PINX1: variants seen among roughly 807,000 people sequenced by gnomAD.
PINX1 encodes PIN2 (TERF1) interacting telomerase inhibitor 1, also known as PIN2/TERF1-interacting telomerase inhibitor 1.
A neutral mutation model predicts 25.4 loss-of-function variants in PINX1; 34 were observed. The observed-to-expected ratio is 1.34, with a 90% CI of 1.02 to 1.78. The LOEUF is 1.78. Among genes scored for constraint, PINX1 ranks in the 40% most tolerant of loss-of-function variants. The pLI is 0.00. For synonymous variants in PINX1, 197 were observed against 147.7 expected (o/e 1.33, Z -2.42); for missense variants, 592 against 404.9 (o/e 1.46, Z -3.97).
chr8:10,801,250 C>T (rs148234595), intron 6 of PINX1, among the ~76,000 whole-genome samples: 27 of 152,300 alleles, frequency 1.8e-4, no homozygotes, highest in African/African-American at 4.3e-4. Context: ...TGATGGCTTA[C>T]GAAAGCGTGC....
chr8:10,780,999 AAC>A (rs1801568267), intron 6 of PINX1, among the ~76,000 whole-genome samples: 1 of 152,226 alleles, frequency 6.6e-6, no homozygotes, highest in Non-Finnish European at 1.5e-5. Context: ...TGGCACAAAA[AAC>A]AGACACACAG....
chr8:10,824,445 G>A (rs1293625803), intron 5 of PINX1, among the ~76,000 whole-genome samples: 1 of 152,104 alleles, frequency 6.6e-6, no homozygotes, highest in African/African-American at 2.4e-5. Context: ...TCTGACAATA[G>A]ATCCGAGAAT....
chr8:10,792,962 C>G (rs1315798624), intron 6 of PINX1, among the ~76,000 whole-genome samples: 1 of 152,170 alleles, frequency 6.6e-6, no homozygotes, highest in African/African-American at 2.4e-5. Flanking sequence ...CACACTGCAC[C>G]TCAGCCCTTG....
At position 10,782,148 on chromosome 8, in the gene PINX1, A is replaced by G. The variant is rs544373250; in HGVS notation, c.472-16232T>C. Among the ~76,000 whole-genome samples the G allele has an allele frequency of 3.1e-4, 47 of 152,332 alleles. 1 individual carries two copies. In the South Asian group the frequency reaches 6.6e-3, roughly 21 times the overall value. On this transcript the variant is annotated intron_variant, in intron 6 of 6. Coordinates refer to ENST00000314787, the MANE Select transcript of PINX1 (RefSeq NM_017884.6). Reference sequence around the variant, plus strand: ...ATGGAATAGAAATAGAGAGTAAGATAAAATGTGGTTACTGGAGCAGGGTGG... The same window carrying G: ...ATGGAATAGAAATAGAGAGTAAGATGAAATGTGGTTACTGGAGCAGGGTGG...
chr8:10,816,360 T>C (rs1797696930), intron 6 of PINX1, among the ~76,000 whole-genome samples: 1 of 152,198 alleles, frequency 6.6e-6, no homozygotes, highest in African/African-American at 2.4e-5. Flanking sequence ...AAAACCCTCA[T>C]GACTATTAAT....
chr8:10,777,199 T>C (rs1801421600), intron 6 of PINX1, among the ~76,000 whole-genome samples: 1 of 152,192 alleles, frequency 6.6e-6, no homozygotes, highest in South Asian at 2.1e-4. Flanking sequence ...TGCTTTCTCA[T>C]TTCTTCTTTA....
intron 6 of PINX1, among the ~76,000 whole-genome samples, chr8:10,784,402 T>C (rs1444818099): frequency 3.3e-5 from 5 of 152,226 alleles, no homozygotes. Flanking sequence ...ATTTTAAAGC[T>C]GATACTCTAC....
At chr8:10,776,947 G>A (rs1801415844) in intron 6 of PINX1, among the ~76,000 whole-genome samples, 1 of 152,210 alleles carries the variant, frequency 6.6e-6, no homozygotes, top group Non-Finnish European at 1.5e-5. Flanking sequence ...CCTGGCAAGA[G>A]AGAAGGACAG....
chr8:10,794,697 G>C (rs149784910), intron 6 of PINX1, among the ~76,000 whole-genome samples: 9 of 152,102 alleles, frequency 5.9e-5, no homozygotes, highest in Admixed American at 5.9e-4. Context: ...CAAAGTGCTG[G>C]GATTACGGGC....
rs545665465 is a variant in PINX1 at position 10,814,872 on chromosome 8, G to T, written c.471+5321C>A. On this transcript the variant is annotated intron_variant, in intron 6 of 6. Transcript: ENST00000314787. ...AATGAGAACAAAAATCCTCTCTAAG[G>T]TGTTCGCTAGCCAGTGTATGCCACA... Among the ~76,000 whole-genome samples, 268 of 152,292 alleles carry T rather than the reference G, an allele frequency of 1.8e-3. 2 individuals carry two copies. Among genetic ancestry groups the T allele is most frequent in the African/African-American group, 6.3e-3 (263 of 41,552 alleles).
intron 6 of PINX1, among the ~76,000 whole-genome samples, chr8:10,790,917 C>A (rs1473298258): frequency 6.6e-6 from 1 of 152,114 alleles, no homozygotes; most frequent in Non-Finnish European, 1.5e-5. Flanking sequence ...CCCCTCCCTC[C>A]CCCAGTTTTT....
intron 6 of PINX1, among the ~76,000 whole-genome samples, chr8:10,766,218 G>A (rs867872171): frequency 7.9e-5 from 12 of 152,306 alleles, no homozygotes; most frequent in African/African-American, 2.6e-4. Flanking sequence ...AAGCCGCCTC[G>A]ATGGAATTCT....
At chr8:10,812,833 C>T (rs1225838479) in intron 6 of PINX1, among the ~76,000 whole-genome samples, 2 of 152,166 alleles carry the variant, frequency 1.3e-5, no homozygotes, top group Non-Finnish European at 2.9e-5. Context: ...TCCCTGACAC[C>T]GCCCAGCCTG....
At chr8:10,834,400 A>C in intron 2 of PINX1, 1 of 416,866 alleles carries the variant, frequency 2.4e-6, no homozygotes, top group Non-Finnish European at 4.3e-6. Context: ...TACTGGAGTC[A>C]AGAATAAATG....
chr8:10,794,983 T>G (rs1352188796), intron 6 of PINX1, among the ~76,000 whole-genome samples: 1 of 152,076 alleles, frequency 6.6e-6, no homozygotes, highest in Non-Finnish European at 1.5e-5. Flanking sequence ...TAAAGGAGGG[T>G]GACGCTAGAA....
At chr8:10,821,061 C>T (rs1797851894) in intron 5 of PINX1, among the ~76,000 whole-genome samples, 1 of 152,224 alleles carries the variant, frequency 6.6e-6, no homozygotes. Context: ...AATCTAGTCC[C>T]ATTTGTCAAC....
chr8:10,793,629 G>A (rs1239521160), intron 6 of PINX1, among the ~76,000 whole-genome samples: 2 of 152,018 alleles, frequency 1.3e-5, no homozygotes, highest in Non-Finnish European at 2.9e-5. Context: ...GCTAAAGAAA[G>A]GACACAGACG....
chr8:10,812,901 T>C (rs1321498632), intron 6 of PINX1, among the ~76,000 whole-genome samples: 1 of 152,268 alleles, frequency 6.6e-6, no homozygotes, highest in Non-Finnish European at 1.5e-5. Flanking sequence ...GTGGTCAGGA[T>C]ACATGTCCTA....
intron 6 of PINX1, among the ~76,000 whole-genome samples, chr8:10,773,271 C>CT (rs1801287534): frequency 6.6e-6 from 1 of 152,176 alleles, no homozygotes; most frequent in Non-Finnish European, 1.5e-5. Flanking sequence ...GGACGCTGGG[C>CT]TTTGACAAAG....
Sources: gnomAD v4.1 joint callset for allele counts (sites outside exome capture counted in the v4.1 genomes callset) on GRCh38, gnomAD v4.1.1 for gene constraint, MANE v1.5 for transcripts, NCBI Gene and HGNC (gene_info 2026-07-23, HGNC 2026-07-21) for gene names.